Variants in SPAG16 observed in about 807,000 individuals in gnomAD.
SPAG16 encodes sperm-associated antigen 16 protein.
A neutral mutation model predicts 80.4 loss-of-function variants in SPAG16; 86 were observed. The observed-to-expected ratio is 1.07, with a 90% CI of 0.90 to 1.28. The LOEUF is 1.28. Ranked by LOEUF, SPAG16 falls within the 50% of genes most tolerant of loss-of-function variation. The pLI is 0.00. For synonymous variants in SPAG16, 294 were observed against 265.9 expected, an observed-to-expected ratio of 1.11 and a Z score of -1.03; for missense variants, 870 against 765.3, an observed-to-expected ratio of 1.14 and a Z score of -1.61.
chr2:214,088,101 C>G (rs989740010), intron 13 of SPAG16, among the ~76,000 whole-genome samples: 1 of 151,844 alleles, frequency 6.6e-6, no homozygotes, highest in Non-Finnish European at 1.5e-5. Context: ...AGATCTGATA[C>G]AACAGCAAAG....
At chr2:213,890,105 T>C (rs894499268) in intron 11 of SPAG16, among the ~76,000 whole-genome samples, 4 of 152,076 alleles carry the variant, frequency 2.6e-5, no homozygotes, top group Non-Finnish European at 4.4e-5. Flanking sequence ...ACATCAGCCA[T>C]AATTTAGTGT....
intron 9 of SPAG16, among the ~76,000 whole-genome samples, chr2:213,482,794 C>A (rs2073814629): frequency 2.0e-5 from 3 of 151,930 alleles, no homozygotes; most frequent in Admixed American, 1.3e-4. Context: ...AATAAGGTGG[C>A]AAAGCCCATT....
At chr2:213,578,545 C>A (rs972245124) in intron 10 of SPAG16, among the ~76,000 whole-genome samples, 1 of 151,968 alleles carries the variant, frequency 6.6e-6, no homozygotes, top group Non-Finnish European at 1.5e-5. Flanking sequence ...TTTAGTAAAT[C>A]CTTATTTTAT....
At chr2:213,478,825 A>G (rs2073577403) in intron 9 of SPAG16, among the ~76,000 whole-genome samples, 1 of 152,158 alleles carries the variant, frequency 6.6e-6, no homozygotes, top group African/African-American at 2.4e-5. Flanking sequence ...TTATCCATTC[A>G]TCTTCTGAAT....
At chr2:214,033,074 C>T (rs943613377) in intron 13 of SPAG16, among the ~76,000 whole-genome samples, 3 of 152,082 alleles carry the variant, frequency 2.0e-5, no homozygotes, top group East Asian at 1.9e-4. Context: ...CGTTTTCCTG[C>T]AATTATTGGA....
chr2:213,643,386 A>G (rs1574620464), intron 10 of SPAG16, among the ~76,000 whole-genome samples: 1 of 73,524 alleles, frequency 1.4e-5, no homozygotes. Flanking sequence ...ATATATATAT[A>G]TATATATATA....
intron 13 of SPAG16, among the ~76,000 whole-genome samples, chr2:214,014,286 T>C (rs967886410): frequency 2.0e-5 from 3 of 152,172 alleles, no homozygotes; most frequent in African/African-American, 7.2e-5. Context: ...AATATGATTA[T>C]CTCATTAAGC....
At chr2:213,461,565 T>C (rs1352533266) in intron 9 of SPAG16, among the ~76,000 whole-genome samples, 1 of 152,108 alleles carries the variant, frequency 6.6e-6, no homozygotes, top group Non-Finnish European at 1.5e-5. Flanking sequence ...AAGAAAGAAG[T>C]AAGTGAATAG....
chr2:214,410,382 A>C lies in SPAG16; in HGVS notation c.*67A>C. 1 of 1,442,144 alleles carries C rather than the reference A, an allele frequency of 6.9e-7. No homozygotes were observed. Among genetic ancestry groups the C allele is most frequent in the Non-Finnish European group, 9.4e-7 (1 of 1,059,918 alleles). The allele number at this position is 1,442,144 out of a possible 1,614,324, so 89.3% of individuals were successfully genotyped here. On this transcript the variant is annotated 3_prime_UTR_variant, in exon 16 of 16. Transcript: ENST00000331683. ...TTGAAAATGCCTCCTGTAGTCCCAA[A>C]CCAGCAAAGAACTGGTTAAATGTGC...
chr2:214,016,191 A>T (rs1175949777), intron 13 of SPAG16, among the ~76,000 whole-genome samples: 4 of 152,152 alleles, frequency 2.6e-5, no homozygotes, highest in Non-Finnish European at 5.9e-5. Context: ...AGACATACCC[A>T]AGGCTGGGTA....
chr2:214,033,274 A>G (rs1221159912), intron 13 of SPAG16, among the ~76,000 whole-genome samples: 1 of 152,224 alleles, frequency 6.6e-6, no homozygotes, highest in Non-Finnish European at 1.5e-5. Flanking sequence ...TGTAAATAAA[A>G]TGTAATTCTT....
intron 8 of SPAG16, among the ~76,000 whole-genome samples, chr2:213,373,551 C>T (rs2066747457): frequency 1.3e-5 from 2 of 152,054 alleles, no homozygotes; most frequent in African/African-American, 4.8e-5. Flanking sequence ...GTAATTACTA[C>T]CATATTTGTT....
At chr2:213,732,943 G>T (rs2067117259) in intron 10 of SPAG16, among the ~76,000 whole-genome samples, 2 of 152,160 alleles carry the variant, frequency 1.3e-5, no homozygotes, top group Admixed American at 1.3e-4. Context: ...GGTCTTTGAG[G>T]AATTGCCACA....
At chr2:213,609,701 G>A (rs951946798) in intron 10 of SPAG16, among the ~76,000 whole-genome samples, 15 of 151,994 alleles carry the variant, frequency 9.9e-5, no homozygotes, top group Non-Finnish European at 1.0e-4. Context: ...ACTCCAAACT[G>A]CCACTTTATA....
chr2:213,764,440 T>C (rs2125532148), intron 10 of SPAG16, among the ~76,000 whole-genome samples: 1 of 152,120 alleles, frequency 6.6e-6, no homozygotes, highest in South Asian at 2.1e-4. Flanking sequence ...CAAAAGACAA[T>C]AAATAGGCAG....
rs2047403121 is a variant in SPAG16, at chr2:214,013,178, T to TA, written c.1401-773_1401-772insA. On this transcript the variant is annotated intron_variant, in intron 12 of 15. Coordinates refer to ENST00000331683, the MANE Select transcript of SPAG16 (RefSeq NM_024532.5). The stretch of plus-strand genomic sequence containing the variant: ...CTTGAGACTGGGTATGAGTATTTTG[T>TA]CTTTTTTTTTTTTTTTTGGTTTAAG... Among the ~76,000 whole-genome samples, 4 of 83,572 alleles carry TA rather than the reference T, an allele frequency of 4.8e-5. No individual in the cohort carries two copies. The South Asian group carries it at 1.6e-3, about 33-fold the overall frequency. 54.8% of individuals were successfully genotyped at this position (83,572 alleles called of 152,430 possible).
intron 9 of SPAG16, among the ~76,000 whole-genome samples, chr2:213,394,527 G>T (rs1427149000): frequency 1.3e-5 from 2 of 152,094 alleles, no homozygotes; most frequent in Non-Finnish European, 2.9e-5. Context: ...TATAATCAAG[G>T]TATGGAATAG....
At chr2:214,149,932 C>G (rs1172944597) in intron 15 of SPAG16, among the ~76,000 whole-genome samples, 1 of 152,074 alleles carries the variant, frequency 6.6e-6, no homozygotes, top group Middle Eastern at 3.4e-3. Context: ...ACAGTTGCAT[C>G]TGCATCTTTA....
At chr2:214,004,295 T>C (rs2046927956) in intron 12 of SPAG16, among the ~76,000 whole-genome samples, 2 of 151,972 alleles carry the variant, frequency 1.3e-5, no homozygotes, top group African/African-American at 4.8e-5. Flanking sequence ...AAAGAGAGAA[T>C]TGTAGAATAG....
Sources: gnomAD v4.1 joint callset for allele counts (sites outside exome capture counted in the v4.1 genomes callset) on GRCh38, gnomAD v4.1.1 for gene constraint, MANE v1.5 for transcripts, NCBI Gene and HGNC (gene_info 2026-07-23, HGNC 2026-07-21) for gene names.